The following OR2L5 variants were observed in gnomAD, a reference collection of about 807,000 sequenced individuals.
OR2L5 encodes olfactory receptor family 2 subfamily L member 5, also known as olfactory receptor 2L5.
For synonymous variants in OR2L5, 169 were observed against 142.0 expected, an observed-to-expected ratio of 1.19 and a Z score of -1.35; for missense variants, 413 against 381.6, an observed-to-expected ratio of 1.08 and a Z score of -0.69.
chr1:248,015,093 A>G (rs1458382916), intron 1 of OR2L5, among the ~76,000 whole-genome samples: 5 of 152,190 alleles, frequency 3.3e-5, no homozygotes, highest in African/African-American at 1.2e-4. Flanking sequence ...ACTTGGAAGC[A>G]CACATACACA....
rs547316536 is a variant in OR2L5, at chr1:248,023,140, T to C, written c.*254T>C. The C allele has an allele frequency of 2.9e-5, 9 of 310,826 alleles. No individual in the cohort carries two copies. The highest frequency in any genetic ancestry group is 9.6e-4 in the Middle Eastern group (1 of 1,038). 19.3% of individuals were successfully genotyped at this position (310,826 alleles called of 1,614,324 possible). A position where few individuals can be genotyped will look rare whatever the true frequency, so the allele number is the denominator to read the frequency against. ...GTAAGGCCATAGAATTTCATTATCA[T>C]GTATAAATCAAAACAATAAATGTCC... On this transcript the variant is annotated 3_prime_UTR_variant, in exon 2 of 2. Transcript: ENST00000355281.
chr1:248,024,169 G>A lies in OR2L5; in HGVS notation c.*1283G>A, dbSNP rs1222412442. 1 of 152,016 alleles carries A rather than the reference G, an allele frequency of 6.6e-6. No homozygotes were observed. The highest frequency in any genetic ancestry group is 1.5e-5 in the Non-Finnish European group (1 of 68,006). The allele number at this position is 152,016 out of a possible 1,614,324, so 9.4% of individuals were successfully genotyped here. The stretch of plus-strand genomic sequence containing the variant: ...AATAAACCCGTCATCTAAGTTTTAA[G>A]CCCCATATGCTTTAGGTATTTGTCC... On this transcript the variant is annotated 3_prime_UTR_variant, in exon 2 of 2. Transcript: ENST00000355281.
chr1:248,022,996 C>A lies in OR2L5; in HGVS notation c.*110C>A. ...CCAGTATGTCAAACAGAGATTAATC[C>A]AGAATGTTTGTCTTTTAATTTAGTC... On this transcript the variant is annotated 3_prime_UTR_variant, in exon 2 of 2. Coordinates refer to ENST00000355281, the MANE Select transcript of OR2L5 (RefSeq NM_001258284.2). The A allele has an allele frequency of 2.0e-6, 2 of 1,009,020 alleles. No individual in the cohort carries two copies. Among genetic ancestry groups the A allele is most frequent in the Admixed American group, 5.3e-5 (2 of 37,470 alleles). 62.5% of individuals were successfully genotyped at this position (1,009,020 alleles called of 1,614,324 possible). A position where few individuals can be genotyped will look rare whatever the true frequency, so the allele number is the denominator to read the frequency against.
At position 248,023,539 on chromosome 1, in the gene OR2L5, T is replaced by C. The variant is rs377159010; in HGVS notation, c.*653T>C. On this transcript the variant is annotated 3_prime_UTR_variant, in exon 2 of 2. Coordinates refer to ENST00000355281, the MANE Select transcript of OR2L5 (RefSeq NM_001258284.2). Reference sequence around the variant, plus strand: ...CCCAGTCACATCACAACACACACAATGTTTGTCTCCTGAGTAGCCACGGGT... The same window carrying C: ...CCCAGTCACATCACAACACACACAACGTTTGTCTCCTGAGTAGCCACGGGT... 8 of 152,284 alleles carry C rather than the reference T, an allele frequency of 5.3e-5. No homozygotes were observed. In the East Asian group the frequency reaches 1.3e-3, roughly 26 times the overall value. The allele number at this position is 152,284 out of a possible 1,614,324, so 9.4% of individuals were successfully genotyped here.
At position 248,022,572 on chromosome 1, in the gene OR2L5, C is replaced by G. The variant is rs544580911; in HGVS notation, c.625C>G (p.Pro209Ala). 9.0e-4 allele frequency: 1,459 copies of G among 1,614,150 alleles called. 2 individuals carry two copies. Among genetic ancestry groups the G allele is most frequent in the South Asian group, 2.3e-3 (212 of 91,090 alleles). Residue 209 changes from proline to alanine, a missense_variant, in exon 2 of 2, where the codon CCC (proline) becomes GCC (alanine). Coordinates refer to ENST00000355281, the MANE Select transcript of OR2L5 (RefSeq NM_001258284.2). ...FLSSTIFLVF[P>A]FTGIACSYGW... ...GAGCAGCACCATCTTTCTTGTGTTT[C>G]CCTTCACTGGCATTGCGTGTTCCTA...
At chr1:248,019,868 C>T (rs1273126332) in intron 1 of OR2L5, among the ~76,000 whole-genome samples, 1 of 152,102 alleles carries the variant, frequency 6.6e-6, no homozygotes, top group African/African-American at 2.4e-5. Flanking sequence ...CTCACTGCAA[C>T]CTCGGCCTCC....
Position 248,022,233 on chromosome 1 carries a change from T to A in OR2L5, c.286T>A (p.Cys96Ser). 1 of 1,614,158 alleles carries A rather than the reference T, an allele frequency of 6.2e-7. No individual in the cohort carries two copies. Among genetic ancestry groups the A allele is most frequent in the Non-Finnish European group, 8.5e-7 (1 of 1,180,016 alleles). The change falls in exon 2 of 2, where the codon TGT becomes AGT. Residue 96 changes from cysteine (C) to serine (S), a missense_variant. Physicochemically the swap from Cys to Ser is moderately radical, Grantham distance 112 (BLOSUM62 -1). Transcript: ENST00000355281. ...AAACAAGTCTATCTCCTTCATTGGG[T>A]GTGGGATTCAGAGTTTCTTCTTCAT... ...YGNKSISFIGCGIQSFFFMTF... is the reference protein window; with the variant it reads ...YGNKSISFIGSGIQSFFFMTF...
intron 1 of OR2L5, among the ~76,000 whole-genome samples, chr1:248,014,109 TGGTTTGATTTCTTTTGC>T (rs1662136977): frequency 5.9e-5 from 9 of 152,158 alleles, no homozygotes; most frequent in Non-Finnish European, 1.3e-4. Flanking sequence ...TTTTTGGTTT[TGGTTTGATTTCTTTTGC>T]CACAAGTGGT....
Position 248,022,591 on chromosome 1 carries a change from G to T in OR2L5, c.644G>T (p.Cys215Phe), listed in dbSNP as rs773457047. ...GTGTTTCCCTTCACTGGCATTGCGT[G>T]TTCCTATGGCTGGGTTCTCCTTGCT... ...FLVFPFTGIA[C>F]SYGWVLLAVY... Residue 215 changes from cysteine to phenylalanine, a missense_variant, in exon 2 of 2, where the codon TGT becomes TTT. Cys to Phe is a radical substitution (Grantham distance 205). Transcript: ENST00000355281. 1 of 1,614,144 alleles carries T rather than the reference G, an allele frequency of 6.2e-7. No homozygotes were observed. The highest frequency in any genetic ancestry group is 1.1e-5 in the South Asian group (1 of 91,084).
intron 1 of OR2L5, among the ~76,000 whole-genome samples, chr1:248,018,735 C>T (rs764810981): frequency 9.9e-5 from 15 of 152,138 alleles, no homozygotes; most frequent in Non-Finnish European, 1.8e-4. Flanking sequence ...CAACCATCAC[C>T]ACCATGCATC....
At chr1:248,014,191 A>G (rs1054557954) in intron 1 of OR2L5, among the ~76,000 whole-genome samples, 1 of 152,040 alleles carries the variant, frequency 6.6e-6, no homozygotes, top group African/African-American at 2.4e-5. Flanking sequence ...CTTACTTGCT[A>G]TTTCACCTCA....
In OR2L5 at chr1:248,015,999, C is replaced by A. The variant is rs78814798; in HGVS notation, c.-22+2261C>A. On this transcript the variant is annotated intron_variant, in intron 1 of 1. Transcript: ENST00000355281. ...GGTTCCCAACTCTATCACTAGGTCT[C>A]TGTACTGTCATGAATAACGCTCTTC... 6.3e-3 allele frequency among the ~76,000 whole-genome samples: 966 copies of A among 152,268 alleles called. 13 individuals carry two copies. The highest frequency in any genetic ancestry group is 0.024 in the Middle Eastern group (7 of 294).
chr1:248,019,159 G>A (rs930292951), intron 1 of OR2L5, among the ~76,000 whole-genome samples: 6 of 152,076 alleles, frequency 3.9e-5, no homozygotes, highest in Non-Finnish European at 7.4e-5. Context: ...AAGTTAAATA[G>A]CTGGAGCATA....
chr1:248,022,242 C>G lies in OR2L5; in HGVS notation c.295C>G (p.Gln99Glu). ...KSISFIGCGIQSFFFMTFAGA... is the reference protein window; with the variant it reads ...KSISFIGCGIESFFFMTFAGA... ...TATCTCCTTCATTGGGTGTGGGATT[C>G]AGAGTTTCTTCTTCATGACTTTTGC... Residue 99 changes from glutamine to glutamate, a missense_variant, in exon 2 of 2, where the codon CAG becomes GAG. Physicochemically the swap from Gln to Glu is conservative, Grantham distance 29 (BLOSUM62 2). Transcript: ENST00000355281. 1 of 1,614,112 alleles carries G rather than the reference C, an allele frequency of 6.2e-7. No individual in the cohort carries two copies. Among genetic ancestry groups the G allele is most frequent in the Non-Finnish European group, 8.5e-7 (1 of 1,180,018 alleles).
intron 1 of OR2L5, among the ~76,000 whole-genome samples, chr1:248,017,477 A>G (rs1662225715): frequency 6.6e-6 from 1 of 152,180 alleles, no homozygotes; most frequent in Admixed American, 6.5e-5. Flanking sequence ...CCTGCCACTC[A>G]CCACTTGCAA....
At chr1:248,020,588 CTGAA>C (rs1406566529) in intron 1 of OR2L5, among the ~76,000 whole-genome samples, 1 of 151,982 alleles carries the variant, frequency 6.6e-6, no homozygotes, top group Non-Finnish European at 1.5e-5. Context: ...AATTGTGAAA[CTGAA>C]TGAGGAGGCA....
At chr1:248,016,308 G>C (rs1275112752) in intron 1 of OR2L5, among the ~76,000 whole-genome samples, 3 of 152,116 alleles carry the variant, frequency 2.0e-5, no homozygotes, top group Admixed American at 1.3e-4. Context: ...GATTACATGG[G>C]TATTTTTTTT....
intron 1 of OR2L5, among the ~76,000 whole-genome samples, chr1:248,015,702 T>C (rs1322130381): frequency 6.6e-6 from 1 of 152,140 alleles, no homozygotes; most frequent in Non-Finnish European, 1.5e-5. Flanking sequence ...TTTGGAGGCT[T>C]TTAAAAGTTC....
At chr1:248,019,628 C>T (rs1662288447) in intron 1 of OR2L5, among the ~76,000 whole-genome samples, 1 of 152,114 alleles carries the variant, frequency 6.6e-6, no homozygotes, top group African/African-American at 2.4e-5. Context: ...AAACACCGTC[C>T]CTTCCCAACT....
Sources: gnomAD v4.1 joint callset for allele counts (sites outside exome capture counted in the v4.1 genomes callset) on GRCh38, gnomAD v4.1.1 for gene constraint, MANE v1.5 for transcripts, NCBI Gene and HGNC (gene_info 2026-07-23, HGNC 2026-07-21) for gene names.